Variants in SCN8A observed in about 807,000 individuals in gnomAD.
SCN8A encodes sodium voltage-gated channel alpha subunit 8.
A neutral mutation model predicts 184.1 loss-of-function variants in SCN8A; 30 were observed. That is an observed-to-expected ratio of 0.16 (90% CI 0.12 to 0.22). The LOEUF (loss-of-function observed/expected upper bound fraction) is 0.22, where lower values mean the gene tolerates loss of function less well. Ranked by LOEUF, SCN8A falls within the 10% of genes least tolerant of loss-of-function variation. The pLI is 1.00. For missense variants in SCN8A, 1,057 were observed against 2,498.9 expected, an observed-to-expected ratio of 0.42 and a Z score of 12.30; for synonymous variants, 852 against 907.0, an observed-to-expected ratio of 0.94 and a Z score of 1.09.
chr12:51,625,888 G>A (rs969368717), intron 1 of SCN8A, among the ~76,000 whole-genome samples: 1 of 152,186 alleles, frequency 6.6e-6, no homozygotes, highest in Non-Finnish European at 1.5e-5. Flanking sequence ...GGTGGCAATA[G>A]TAGTGGTAGT....
intron 1 of SCN8A, among the ~76,000 whole-genome samples, chr12:51,645,406 T>C (rs1384933870): frequency 6.6e-6 from 1 of 151,586 alleles, no homozygotes; most frequent in African/African-American, 2.4e-5. Context: ...CCGCGCCTAC[T>C]GGGAAGTGAG....
chr12:51,776,796 A>G (rs1353853045), intron 20 of SCN8A, among the ~76,000 whole-genome samples: 1 of 152,244 alleles, frequency 6.6e-6, no homozygotes, highest in Non-Finnish European at 1.5e-5. Context: ...ACTTAGCACC[A>G]TCCACTGGTG....
intron 1 of SCN8A, among the ~76,000 whole-genome samples, chr12:51,646,009 T>TA (rs11307011): frequency 9.7e-5 from 12 of 123,410 alleles, no homozygotes; most frequent in Admixed American, 1.6e-4. Context: ...AAGATAAAAG[T>TA]AAAAAAAAAA....
chr12:51,750,613 G>C (rs1942581263), intron 13 of SCN8A, among the ~76,000 whole-genome samples: 1 of 152,156 alleles, frequency 6.6e-6, no homozygotes, highest in African/African-American at 2.4e-5. Context: ...ATGGTGGCTT[G>C]GTCGATGATG....
chr12:51,767,932 C>G (rs904859921), intron 16 of SCN8A, among the ~76,000 whole-genome samples: 1 of 152,290 alleles, frequency 6.6e-6, no homozygotes, highest in African/African-American at 2.4e-5. Flanking sequence ...ATTCAGATCC[C>G]TCAGCCTGGC....
At chr12:51,665,240 A>G (rs1941009675) in intron 2 of SCN8A, among the ~76,000 whole-genome samples, 1 of 152,070 alleles carries the variant, frequency 6.6e-6, no homozygotes, top group African/African-American at 2.4e-5. Context: ...GAGAGTGGGG[A>G]CTTACCAAAG....
intron 25 of SCN8A, among the ~76,000 whole-genome samples, chr12:51,793,497 A>AG (rs2138917405): frequency 6.6e-6 from 1 of 152,342 alleles, no homozygotes; most frequent in South Asian, 2.1e-4. Context: ...GGGCTGGAGA[A>AG]GAAAAGCTTA....
chr12:51,788,847 A>T, intron 23 of SCN8A, 99 bp downstream of exon 23: 1 of 916,780 alleles, frequency 1.1e-6, no homozygotes. Context: ...GGATGAAGGA[A>T]TGGAGGAGTT....
rs78508222 is a variant in SCN8A, at chr12:51,655,572, C to T, written c.-54-7192C>T. Among the ~76,000 whole-genome samples the T allele has an allele frequency of 7.8e-4, 118 of 152,096 alleles. 1 individual carries two copies. The East Asian group carries it at 0.021, about 28-fold the overall frequency. On this transcript the variant is annotated intron_variant, in intron 1 of 26. Coordinates refer to ENST00000627620, the MANE Select transcript of SCN8A (RefSeq NM_001330260.2). ...TACTTTTTGTAGAGATGGTATCTTC[C>T]TATGTTGCCCAGGCTGGTATCAAAC...
At chr12:51,748,789 T>C (rs1203797480) in intron 13 of SCN8A, among the ~76,000 whole-genome samples, 6 of 152,134 alleles carry the variant, frequency 3.9e-5, no homozygotes, top group African/African-American at 1.4e-4. Context: ...GCAGTAACCT[T>C]AGTGAGGGTG....
intron 2 of SCN8A, among the ~76,000 whole-genome samples, chr12:51,663,699 A>G (rs1940970090): frequency 6.6e-6 from 1 of 152,178 alleles, no homozygotes; most frequent in African/African-American, 2.4e-5. Context: ...GCTCAAGTGA[A>G]AGAACTACTA....
chr12:51,678,257 G>T (rs1030298448), intron 2 of SCN8A, among the ~76,000 whole-genome samples: 3 of 152,194 alleles, frequency 2.0e-5, no homozygotes, highest in Non-Finnish European at 4.4e-5. Flanking sequence ...AAAGCATTGT[G>T]TGACGCAGTT....
chr12:51,658,889 T>C (rs1301998414), intron 1 of SCN8A, among the ~76,000 whole-genome samples: 7 of 152,180 alleles, frequency 4.6e-5, no homozygotes, highest in African/African-American at 1.7e-4. Context: ...CAAGTGTTGA[T>C]GAGGATTTGG....
chr12:51,690,293 T>A (rs1329980562), intron 6 of SCN8A, among the ~76,000 whole-genome samples: 1 of 152,200 alleles, frequency 6.6e-6, no homozygotes, highest in Non-Finnish European at 1.5e-5. Flanking sequence ...CATCCTATTC[T>A]TATCCTATTC....
At position 51,721,638 on chromosome 12, in the gene SCN8A, C is replaced by T; in HGVS notation, c.1728C>T (p.Asp576=). The change falls in exon 12 of 27, where the codon GAC becomes GAT. Residue 576 remains aspartate, a synonymous_variant. Transcript: ENST00000627620. ...TCAGGGGACCTGGGCGGTTCCGAGACCCGGGCTCCGAGAATGAGTTCGCGG... is the reference window on the plus strand; with the variant it reads ...TCAGGGGACCTGGGCGGTTCCGAGATCCGGGCTCCGAGAATGAGTTCGCGG... ...FSFRGPGRFR[D]PGSENEFADD... The T allele has an allele frequency of 1.2e-6, 2 of 1,612,120 alleles. No individual in the cohort carries two copies. The highest frequency in any genetic ancestry group is 1.7e-6 in the Non-Finnish European group (2 of 1,179,064).
chr12:51,803,568 A>G lies in SCN8A; in HGVS notation c.4796-2714A>G, dbSNP rs1305353185. Among the ~76,000 whole-genome samples the G allele has an allele frequency of 3.3e-5, 5 of 152,084 alleles. No individual in the cohort carries two copies. The East Asian group carries it at 7.7e-4, about 23-fold the overall frequency. On this transcript the variant is annotated intron_variant, in intron 26 of 26. Transcript: ENST00000627620. ...CTTAAATGGTGTTTCTACTGCCTAC[A>G]TTACTGTCTGCCCCATTTCTCCCTT...
chr12:51,787,925 C>T (rs1938132683), intron 22 of SCN8A, among the ~76,000 whole-genome samples: 1 of 152,170 alleles, frequency 6.6e-6, no homozygotes, highest in South Asian at 2.1e-4. Flanking sequence ...AAAACCAGTG[C>T]ACATCCACAA....
intron 6 of SCN8A, among the ~76,000 whole-genome samples, chr12:51,692,040 C>A (rs1418263800): frequency 1.3e-5 from 2 of 152,130 alleles, no homozygotes; most frequent in African/African-American, 2.4e-5. Flanking sequence ...GCCCATGATT[C>A]CCCCTTAGTA....
chr12:51,661,030 T>C (rs1213891698), intron 1 of SCN8A, among the ~76,000 whole-genome samples: 1 of 152,198 alleles, frequency 6.6e-6, no homozygotes, highest in Non-Finnish European at 1.5e-5. Context: ...AAACTATTCC[T>C]GTTAGGGAGT....
Sources: gnomAD v4.1 joint callset for allele counts (sites outside exome capture counted in the v4.1 genomes callset) on GRCh38, gnomAD v4.1.1 for gene constraint, MANE v1.5 for transcripts, NCBI Gene and HGNC (gene_info 2026-07-23, HGNC 2026-07-21) for gene names.